ADAM11: variants seen among roughly 807,000 people sequenced by gnomAD.
ADAM11 encodes ADAM metallopeptidase domain 11.
A neutral mutation model predicts 119.1 loss-of-function variants in ADAM11; 49 were observed. The ratio of observed to expected loss-of-function variants is 0.41; its 90% CI spans 0.33 to 0.52. The LOEUF (loss-of-function observed/expected upper bound fraction) is 0.52. Ranked by LOEUF, ADAM11 falls within the 20% of genes least tolerant of loss-of-function variation. The pLI is 0.20. For synonymous variants in ADAM11, 364 were observed against 408.0 expected (o/e 0.89, Z 1.30); for missense variants, 777 against 1,047.5 (o/e 0.74, Z 3.56).
intron 2 of ADAM11, among the ~76,000 whole-genome samples, chr17:44,763,191 T>C (rs1200747327): frequency 6.6e-6 from 1 of 152,210 alleles, no homozygotes; most frequent in African/African-American, 2.4e-5. Context: ...AATTATTTAC[T>C]AGGCCTTTTT....
rs1428807522 is a variant in ADAM11 at position 44,767,374 on chromosome 17, A to G, written c.238-2344A>G. Among the ~76,000 whole-genome samples, 4 of 151,560 alleles carry G rather than the reference A, an allele frequency of 2.6e-5. No individual in the cohort carries two copies. In the East Asian group the frequency reaches 7.7e-4, roughly 29 times the overall value. On this transcript the variant is annotated intron_variant, in intron 2 of 26. Transcript: ENST00000200557. The stretch of plus-strand genomic sequence containing the variant: ...CATCTCAAAAAAAAAAAAAAAAAAA[A>G]AAAGAACATTGGCCTAATGCTGGGC...
In ADAM11 at chr17:44,780,060, G is replaced by A. The variant is rs2049671105; in HGVS notation, c.*306G>A. On this transcript the variant is annotated 3_prime_UTR_variant, in exon 27 of 27. Transcript: ENST00000200557. ...TGGATTGCCACAGCTCAACTCGGGGGCGCCTGGAGGGATGCCCCCAGGCAG... is the reference window on the plus strand; with the variant it reads ...TGGATTGCCACAGCTCAACTCGGGGACGCCTGGAGGGATGCCCCCAGGCAG... 1 of 682,062 alleles carries A rather than the reference G, an allele frequency of 1.5e-6. No individual in the cohort carries two copies. The highest frequency in any genetic ancestry group is 2.7e-6 in the Non-Finnish European group (1 of 371,566). The allele number at this position is 682,062 out of a possible 1,614,324, so 42.3% of individuals were successfully genotyped here. A position where few individuals can be genotyped will look rare whatever the true frequency, so the allele number is the denominator to read the frequency against.
In ADAM11 at chr17:44,773,338, G is replaced by A. The variant is rs772875837; in HGVS notation, c.903G>A (p.Val301=). The A allele has an allele frequency of 3.1e-6, 5 of 1,614,070 alleles. No individual in the cohort carries two copies. The highest frequency in any genetic ancestry group is 1.7e-6 in the Non-Finnish European group (2 of 1,180,012). Residue 301 remains valine, a synonymous_variant, in exon 11 of 27, where the codon GTG becomes GTA. Transcript: ENST00000200557. This position sits in a 1 kb window ranked among gnomAD's most constrained non-coding sequence, Gnocchi z 4.6. ...ETWADGDKIQ[V]QDDLLETLAR... ...GGGCAGATGGGGACAAGATCCAGGT[G>A]CAGGATGACCTCCTGGAGACCCTGG...
Position 44,777,018 on chromosome 17 carries a change from TG to T in ADAM11, c.1681+60del, listed in dbSNP as rs538419385. 5.9e-4 allele frequency: 939 copies of T among 1,580,462 alleles called. 2 individuals are homozygous for T. The highest frequency in any genetic ancestry group is 7.6e-4 in the Non-Finnish European group (875 of 1,157,778). On this transcript the variant is annotated intron_variant, in intron 20 of 26. Coordinates refer to ENST00000200557, the MANE Select transcript of ADAM11 (RefSeq NM_002390.6). The surrounding 1 kb of genome is among the most constrained non-coding windows in gnomAD (Gnocchi z 5.1). The stretch of plus-strand genomic sequence containing the variant: ...TCCGGAGGACCCAGAGCTGAGAAGC[TG>T]GGGAGAGTGGGTTCCAGCTGAACAG...
Position 44,773,199 on chromosome 17 carries a change from C to G in ADAM11, c.826-62C>G. ...CACTTCCTGGAGAGAACAGACAGGC[C>G]CTCCTCCAGCCCTGGCCCCAACACC... On this transcript the variant is annotated intron_variant, in intron 10 of 26. Coordinates refer to ENST00000200557, the MANE Select transcript of ADAM11 (RefSeq NM_002390.6). This position sits in a 1 kb window ranked among gnomAD's most constrained non-coding sequence, Gnocchi z 4.6. 1 of 1,600,180 alleles carries G rather than the reference C, an allele frequency of 6.2e-7. No individual in the cohort carries two copies. Among genetic ancestry groups the G allele is most frequent in the Non-Finnish European group, 8.6e-7 (1 of 1,168,996 alleles).
Position 44,773,502 on chromosome 17 carries a change from CT to C in ADAM11, c.992+76del. On this transcript the variant is annotated intron_variant, in intron 11 of 26. Transcript: ENST00000200557. The surrounding 1 kb of genome is among the most constrained non-coding windows in gnomAD (Gnocchi z 4.6). ...TGCTTGGGATTACTTAACACCTGCC[CT>C]GTGCTGGCTGCTCCTCTCAGAGTCT... The C allele has an allele frequency of 1.3e-6, 2 of 1,520,192 alleles. No homozygotes were observed. The highest frequency in any genetic ancestry group is 1.8e-6 in the Non-Finnish European group (2 of 1,127,714). The allele number at this position is 1,520,192 out of a possible 1,614,324, so 94.2% of individuals were successfully genotyped here. A position where few individuals can be genotyped will look rare whatever the true frequency, so the allele number is the denominator to read the frequency against.
chr17:44,762,075 C>T (rs1460795283), intron 2 of ADAM11, among the ~76,000 whole-genome samples: 2 of 152,184 alleles, frequency 1.3e-5, no homozygotes, highest in African/African-American at 4.8e-5. Context: ...CTGCCCACCT[C>T]GGCCTCCCAA....
At position 44,773,447 on chromosome 17, in the gene ADAM11, C is replaced by A; in HGVS notation, c.992+20C>A. ...CTTCTCGTGAGTCCCCCACCCTGCACCTCCTGCCAGCCTCTGCTAGTTGCT... is the reference window on the plus strand; with the variant it reads ...CTTCTCGTGAGTCCCCCACCCTGCAACTCCTGCCAGCCTCTGCTAGTTGCT... On this transcript the variant is annotated intron_variant, in intron 11 of 26. Transcript: ENST00000200557. The surrounding 1 kb of genome is among the most constrained non-coding windows in gnomAD (Gnocchi z 4.6). 1.2e-6 allele frequency: 2 copies of A among 1,607,480 alleles called. No individual in the cohort carries two copies. The highest frequency in any genetic ancestry group is 2.2e-5 in the South Asian group (2 of 90,858).
intron 24 of ADAM11, 25 bp from the exon 25 acceptor site, chr17:44,778,127 A>G (rs575090666): frequency 4.3e-6 from 7 of 1,612,770 alleles, no homozygotes; most frequent in South Asian, 1.1e-5. Flanking sequence ...TGTCCTTGCC[A>G]GCTAAGCCCT....
rs775963073 is a variant in ADAM11, at chr17:44,779,722, C to T, written c.2295-17C>T. The stretch of plus-strand genomic sequence containing the variant: ...CCCCTGCTCACGTCCTCCCCTGATG[C>T]CCCCTCTCCGTTCCAGGTCCGGAGG... On this transcript the variant is annotated splice_polypyrimidine_tract_variant and intron_variant, in intron 26 of 26. Transcript: ENST00000200557. The T allele has an allele frequency of 6.5e-5, 104 of 1,591,470 alleles. No individual in the cohort carries two copies. The South Asian group carries it at 9.9e-4, about 15-fold the overall frequency.
In ADAM11 at chr17:44,765,820, A is replaced by C. The variant is rs139776864; in HGVS notation, c.238-3898A>C. On this transcript the variant is annotated intron_variant, in intron 2 of 26. Transcript: ENST00000200557. The stretch of plus-strand genomic sequence containing the variant: ...TTTGTTTGAGTAGAGACAGGGTTTC[A>C]CCATGTTACCCAGGCTGGTCTCAAA... Among the ~76,000 whole-genome samples the C allele has an allele frequency of 5.8e-3, 875 of 151,896 alleles. 7 individuals carry two copies. The highest frequency in any genetic ancestry group is 0.02 in the African/African-American group (836 of 41,460).
chr17:44,770,168 T>G, intron 4 of ADAM11, 120 bp downstream of exon 4: 1 of 1,204,226 alleles, frequency 8.3e-7, no homozygotes, highest in East Asian at 2.5e-5. Flanking sequence ...GCCTGGCCCC[T>G]CAGCACCTTC....
intron 2 of ADAM11, among the ~76,000 whole-genome samples, chr17:44,763,139 C>T (rs939972222): frequency 8.5e-5 from 13 of 152,118 alleles, no homozygotes; most frequent in Non-Finnish European, 1.6e-4. Flanking sequence ...CTGTCTCACA[C>T]AATACAACAA....
Position 44,777,867 on chromosome 17 carries a change from A to G in ADAM11, c.2070+4A>G. 1 of 1,613,520 alleles carries G rather than the reference A, an allele frequency of 6.2e-7. No homozygotes were observed. The highest frequency in any genetic ancestry group is 1.1e-5 in the South Asian group (1 of 91,062). On this transcript the variant is annotated splice_donor_region_variant and intron_variant, in intron 23 of 26. Transcript: ENST00000200557. The surrounding 1 kb of genome is among the most constrained non-coding windows in gnomAD (Gnocchi z 5.1). ...CCGGATTTGCTCCCACCACGGGGTG[A>G]CTGCCTGGAGCCTGGGATGGCGGGA... is the stretch of plus-strand genomic sequence containing the variant.
chr17:44,760,650 C>T (rs1024488850), intron 2 of ADAM11, among the ~76,000 whole-genome samples: 1 of 152,160 alleles, frequency 6.6e-6, no homozygotes, highest in Non-Finnish European at 1.5e-5. Flanking sequence ...CAGCAGAGGG[C>T]AGGTTGGCTG....
chr17:44,759,225 T>C lies in ADAM11; in HGVS notation c.26T>C (p.Phe9Ser), dbSNP rs2049358718. MRLLRRWA[F>S]AALLLSLLPT... Reference sequence around the variant, plus strand: ...ATGAGGCTGCTGCGGCGCTGGGCGTTCGCGGCTCTGCTGCTGTCGCTGCTC... The same window carrying C: ...ATGAGGCTGCTGCGGCGCTGGGCGTCCGCGGCTCTGCTGCTGTCGCTGCTC... The change falls in exon 1 of 27, where the codon TTC becomes TCC. Residue 9 changes from phenylalanine to serine, a missense_variant. Coordinates refer to ENST00000200557, the MANE Select transcript of ADAM11 (RefSeq NM_002390.6). 30 of 1,435,074 alleles carry C rather than the reference T, an allele frequency of 2.1e-5. No individual in the cohort carries two copies. Among genetic ancestry groups the C allele is most frequent in the Non-Finnish European group, 2.6e-5 (28 of 1,096,418 alleles). 88.9% of individuals were successfully genotyped at this position (1,435,074 alleles called of 1,614,324 possible).
In ADAM11 at chr17:44,771,751, C is replaced by T; in HGVS notation, c.468-5C>T. ...CGGAGGGGAGCTGCGCCTCTCTCTC[C>T]ACAGTGGGGTCTTCTCTGATGGGAA... is the stretch of plus-strand genomic sequence containing the variant. On this transcript the variant is annotated splice_polypyrimidine_tract_variant and splice_region_variant and intron_variant, in intron 5 of 26. Transcript: ENST00000200557. The T allele has an allele frequency of 6.2e-7, 1 of 1,613,666 alleles. No homozygotes were observed. The highest frequency in any genetic ancestry group is 8.5e-7 in the Non-Finnish European group (1 of 1,179,790).
chr17:44,760,979 AG>A (rs1018345496), intron 2 of ADAM11, among the ~76,000 whole-genome samples: 10 of 94,258 alleles, frequency 1.1e-4, no homozygotes, highest in Admixed American at 5.6e-4. Flanking sequence ...AGGGCCGTGC[AG>A]AGGGGCAGGG....
At chr17:44,768,610 A>G (rs1003179066) in intron 2 of ADAM11, among the ~76,000 whole-genome samples, 2 of 152,212 alleles carry the variant, frequency 1.3e-5, no homozygotes, top group Non-Finnish European at 2.9e-5. Context: ...CAAACAGGGC[A>G]ATACTCTTAG....
Sources: gnomAD v4.1 joint callset for allele counts (sites outside exome capture counted in the v4.1 genomes callset) on GRCh38, gnomAD v4.1.1 for gene constraint, Gnocchi (gnomAD v3.1) non-coding constraint, MANE v1.5 for transcripts, NCBI Gene and HGNC (gene_info 2026-07-23, HGNC 2026-07-21) for gene names.